The following CNTN4 variants were observed in gnomAD, a reference collection of about 807,000 sequenced individuals.
CNTN4 encodes the protein contactin-4.
Under a neutral mutation model 122.5 loss-of-function variants are expected in CNTN4, and 77 were observed. The observed-to-expected ratio is 0.63, with a 90% CI of 0.52 to 0.76. CNTN4 has a LOEUF of 0.76. Ranked by LOEUF, CNTN4 falls within the 30% of genes least tolerant of loss-of-function variation. The pLI is 0.00. For missense variants in CNTN4, 1,256 were observed against 1,259.1 expected, an observed-to-expected ratio of 1.00 and a Z score of 0.04; for synonymous variants, 512 against 447.0, an observed-to-expected ratio of 1.15 and a Z score of -1.83.
At position 2,808,811 on chromosome 3, in the gene CNTN4, G is replaced by C. The variant is rs138673806; in HGVS notation, c.359-10675G>C. Among the ~76,000 whole-genome samples, 612 of 152,302 alleles carry C rather than the reference G, an allele frequency of 4.0e-3. 2 individuals carry two copies. The highest frequency in any genetic ancestry group is 0.014 in the African/African-American group (566 of 41,580). On this transcript the variant is annotated intron_variant, in intron 6 of 24. Coordinates refer to ENST00000418658, the MANE Select transcript of CNTN4 (RefSeq NM_175607.3). ...AGTAGGTGGCTCCATGCCCTTGATT[G>C]GACACCTTTTCTTGAAGTTATTCTC...
intron 13 of CNTN4, among the ~76,000 whole-genome samples, chr3:2,938,861 G>A (rs4684371): frequency 0.74 from 111,803 of 152,010 alleles, 41,337 homozygotes; most frequent in Middle Eastern, 0.88. Flanking sequence ...GTATCATCAA[G>A]TGGAGTTAAG....
At chr3:2,116,022 T>C (rs1559255966) in intron 2 of CNTN4, among the ~76,000 whole-genome samples, 1 of 152,216 alleles carries the variant, frequency 6.6e-6, no homozygotes, top group African/African-American at 2.4e-5. Flanking sequence ...AGGTGCTTTA[T>C]AGTAACCTGC....
At chr3:2,324,275 A>G (rs1370456664) in intron 2 of CNTN4, among the ~76,000 whole-genome samples, 1 of 56,318 alleles carries the variant, frequency 1.8e-5, no homozygotes, top group African/African-American at 4.6e-5. Context: ...AGAATGATAG[A>G]AGAAATAACT....
chr3:2,547,414 C>T (rs964776691), intron 3 of CNTN4, among the ~76,000 whole-genome samples: 1 of 151,994 alleles, frequency 6.6e-6, no homozygotes, highest in Admixed American at 6.6e-5. Context: ...TATAAGTGCT[C>T]ACCACCATGC....
chr3:2,544,903 C>G (rs2078181701), intron 3 of CNTN4, among the ~76,000 whole-genome samples: 1 of 151,806 alleles, frequency 6.6e-6, no homozygotes, highest in Non-Finnish European at 1.5e-5. Context: ...TATTTCTTGT[C>G]TTCTGCTAGC....
intron 3 of CNTN4, among the ~76,000 whole-genome samples, chr3:2,377,730 A>G (rs1294140724): frequency 2.6e-5 from 4 of 152,068 alleles, no homozygotes; most frequent in East Asian, 1.9e-4. Flanking sequence ...AATGCAGCCC[A>G]GTATAAATTT....
chr3:2,179,164 G>A (rs1053928062), intron 2 of CNTN4, among the ~76,000 whole-genome samples: 1 of 152,066 alleles, frequency 6.6e-6, no homozygotes, highest in African/African-American at 2.4e-5. Context: ...CTGCGCTGGT[G>A]TGGTAATTAT....
At chr3:2,747,009 G>A (rs915404467) in intron 6 of CNTN4, among the ~76,000 whole-genome samples, 11 of 151,384 alleles carry the variant, frequency 7.3e-5, no homozygotes, top group Non-Finnish European at 1.0e-4. Flanking sequence ...CAGAGTACGG[G>A]AAAATCTCAT....
At chr3:2,860,458 A>C (rs1203168889) in intron 7 of CNTN4, among the ~76,000 whole-genome samples, 2 of 152,168 alleles carry the variant, frequency 1.3e-5, no homozygotes, top group African/African-American at 4.8e-5. Flanking sequence ...GGACCTGTCT[A>C]AACCAAGTTC....
intron 3 of CNTN4, among the ~76,000 whole-genome samples, chr3:2,479,511 T>G (rs1467997855): frequency 1.3e-5 from 2 of 152,128 alleles, no homozygotes; most frequent in Non-Finnish European, 2.9e-5. Context: ...AAATTGAAAC[T>G]TAAGCGGGGA....
At chr3:2,490,201 T>G (rs73806661) in intron 3 of CNTN4, among the ~76,000 whole-genome samples, 2,618 of 152,242 alleles carry the variant, frequency 0.017, 78 homozygotes, top group African/African-American at 0.059. Context: ...CCAGGGGCTT[T>G]TCCCCTTGAA....
chr3:2,983,213 CAAAAAAAAAAAAAAAAAAAAAAAAAAAAA>C lies in CNTN4; in HGVS notation c.1359-5118_1359-5090del, dbSNP rs57079892. On this transcript the variant is annotated intron_variant, in intron 13 of 24. Transcript: ENST00000418658. ...TGGGTGACAGAGCGAGACTCCATCT[CAAAAAAAAAAAAAAAAAAAAAAAAAAAAA>C]AAAAAAAAAAAAAGCACAAAGCCTA... Among the ~76,000 whole-genome samples, 112 of 19,018 alleles carry C rather than the reference CAAAAAAAAAAAAAAAAAAAAAAAAAAAAA, an allele frequency of 5.9e-3. 2 individuals are homozygous for C. Among genetic ancestry groups the C allele is most frequent in the East Asian group, 0.017 (9 of 540 alleles). 12.5% of individuals were successfully genotyped at this position (19,018 alleles called of 152,430 possible). A position where few individuals can be genotyped will look rare whatever the true frequency, so the allele number is the denominator to read the frequency against.
In CNTN4 at chr3:2,450,786, C is replaced by T. The variant is rs7637317; in HGVS notation, c.-89+111553C>T. 2.6e-3 allele frequency among the ~76,000 whole-genome samples: 400 copies of T among 152,298 alleles called. 1 individual carries two copies. Among genetic ancestry groups the T allele is most frequent in the African/African-American group, 9.3e-3 (388 of 41,556 alleles). On this transcript the variant is annotated intron_variant, in intron 3 of 24. Coordinates refer to ENST00000418658, the MANE Select transcript of CNTN4 (RefSeq NM_175607.3). The stretch of plus-strand genomic sequence containing the variant: ...ATAACTTGTCCCCAAGAAGAGTCAA[C>T]CTGACTCAACCAAACAAGTTACAGG...
chr3:2,801,757 T>C (rs2092353150), intron 6 of CNTN4, among the ~76,000 whole-genome samples: 4 of 144,714 alleles, frequency 2.8e-5, no homozygotes, highest in Admixed American at 2.1e-4. Flanking sequence ...CTCAAGGAGA[T>C]TGTAGTCTCC....
At chr3:2,402,629 G>A (rs2046898651) in intron 3 of CNTN4, among the ~76,000 whole-genome samples, 2 of 151,880 alleles carry the variant, frequency 1.3e-5, no homozygotes, top group South Asian at 4.2e-4. Flanking sequence ...CCCTACTTGT[G>A]CTACTGAACA....
intron 4 of CNTN4, among the ~76,000 whole-genome samples, chr3:2,574,292 A>G (rs1275710331): frequency 1.3e-5 from 2 of 152,134 alleles, no homozygotes; most frequent in Non-Finnish European, 2.9e-5. Context: ...TAACTTTTCT[A>G]TACATCTTCA....
At position 2,903,463 on chromosome 3, in the gene CNTN4, C is replaced by T. The variant is rs139903188; in HGVS notation, c.1207+458C>T. Among the ~76,000 whole-genome samples the T allele has an allele frequency of 3.9e-5, 6 of 152,284 alleles. No homozygotes were observed. The East Asian group carries it at 5.8e-4, about 15-fold the overall frequency. ...TCTTTCTTCCAACTACATGTTTGAT[C>T]GTGTGCCACTTCCTCCCTCCTCTTC... On this transcript the variant is annotated intron_variant, in intron 12 of 24. Coordinates refer to ENST00000418658, the MANE Select transcript of CNTN4 (RefSeq NM_175607.3).
At chr3:2,530,926 T>C (rs1371298906) in intron 3 of CNTN4, among the ~76,000 whole-genome samples, 2 of 152,190 alleles carry the variant, frequency 1.3e-5, no homozygotes, top group Non-Finnish European at 2.9e-5. Context: ...TTTAACTATG[T>C]GTTGAAGCTT....
chr3:2,269,592 C>T (rs1304308301), intron 2 of CNTN4, among the ~76,000 whole-genome samples: 3 of 151,978 alleles, frequency 2.0e-5, no homozygotes, highest in Admixed American at 1.3e-4. Flanking sequence ...TTTAAGAAAT[C>T]ACTTAGGAAT....
Sources: gnomAD v4.1 joint callset for allele counts (sites outside exome capture counted in the v4.1 genomes callset) on GRCh38, gnomAD v4.1.1 for gene constraint, MANE v1.5 for transcripts, NCBI Gene and HGNC (gene_info 2026-07-23, HGNC 2026-07-21) for gene names.